Variants in CHLSN observed in about 807,000 individuals in gnomAD.
CHLSN encodes the protein protein cholesin.
the CHLSN span, among the ~76,000 whole-genome samples, chr7:1,067,672 G>A: frequency 3.3e-5 from 3 of 91,928 alleles, no homozygotes; most frequent in African/African-American, 1.5e-4. Context: ...CCAGAGGTGC[G>A]GGTTTGGGGC....
the CHLSN span, among the ~76,000 whole-genome samples, chr7:1,016,695 ATG>A: frequency 0.064 from 6,050 of 94,134 alleles, 760 homozygotes; most frequent in African/African-American, 0.11. Context: ...ACAGCAGCGC[ATG>A]CCAGCACACG....
the CHLSN span, chr7:1,127,210 C>G: frequency 6.5e-7 from 1 of 1,548,410 alleles, no homozygotes; most frequent in Non-Finnish European, 8.6e-7. Flanking sequence ...GATCAGATAA[C>G]AGGTGGATCC....
At chr7:1,076,626 A>G in the CHLSN span, among the ~76,000 whole-genome samples, 1 of 152,258 alleles carries the variant, frequency 6.6e-6, no homozygotes, top group Non-Finnish European at 1.5e-5. Context: ...TCAGTTTCCA[A>G]CAGGGCTGGC....
the CHLSN span, chr7:1,080,854 G>A: frequency 6.6e-6 from 1 of 152,342 alleles, no homozygotes; most frequent in Non-Finnish European, 1.5e-5. Context: ...CTCAGTGAGA[G>A]AGGGTGGGCT....
chr7:1,028,290 G>A, the CHLSN span: 9 of 1,066,024 alleles, frequency 8.4e-6, no homozygotes, highest in African/African-American at 1.2e-4. Flanking sequence ...CGCGGGCACG[G>A]ACGGCGCCGG....
At chr7:1,123,898 C>T in the CHLSN span, among the ~76,000 whole-genome samples, 1 of 152,086 alleles carries the variant, frequency 6.6e-6, no homozygotes, top group African/African-American at 2.4e-5. The surrounding 1 kb of genome is among the most constrained non-coding windows in gnomAD (Gnocchi z 4.4). Flanking sequence ...TCCCTGGCTT[C>T]CCAGGCCCTC....
the CHLSN span, among the ~76,000 whole-genome samples, chr7:1,101,042 A>C: frequency 6.6e-6 from 1 of 152,240 alleles, no homozygotes; most frequent in African/African-American, 2.4e-5. Flanking sequence ...AGCCCGTTTC[A>C]GGGAACACAG....
the CHLSN span, among the ~76,000 whole-genome samples, chr7:1,032,187 C>G: frequency 2.0e-5 from 3 of 152,146 alleles, no homozygotes; most frequent in Admixed American, 6.5e-5. Flanking sequence ...CAGAGAACTG[C>G]TCCCGGCCCA....
the CHLSN span, among the ~76,000 whole-genome samples, chr7:993,439 C>G: frequency 2.4e-4 from 37 of 152,228 alleles, no homozygotes; most frequent in East Asian, 7.0e-3. Context: ...GAGTGGGGAG[C>G]GGACAGCGCC....
the CHLSN span, among the ~76,000 whole-genome samples, chr7:1,122,992 GCCA>G: frequency 6.6e-6 from 1 of 152,144 alleles, no homozygotes; most frequent in Non-Finnish European, 1.5e-5. Flanking sequence ...CTCCTGCCGG[GCCA>G]CCACAAGCCG....
chr7:1,066,039 C>T, the CHLSN span, among the ~76,000 whole-genome samples: 26 of 152,352 alleles, frequency 1.7e-4, no homozygotes, highest in Admixed American at 4.6e-4. Context: ...CCTGCGCGGC[C>T]GGCACGGATG....
At chr7:1,075,437 T>C in the CHLSN span, among the ~76,000 whole-genome samples, 1 of 150,916 alleles carries the variant, frequency 6.6e-6, no homozygotes, top group East Asian at 2.0e-4. Flanking sequence ...GGCAGGAGAA[T>C]CGCTTGAACT....
At chr7:1,016,722 C>A in the CHLSN span, among the ~76,000 whole-genome samples, 1 of 121,432 alleles carries the variant, frequency 8.2e-6, no homozygotes, top group Non-Finnish European at 1.7e-5. Flanking sequence ...CGCACAGCAG[C>A]ACACAGCAGC....
the CHLSN span, among the ~76,000 whole-genome samples, chr7:1,090,331 C>A: frequency 4.6e-5 from 7 of 152,240 alleles, no homozygotes; most frequent in African/African-American, 1.4e-4. Context: ...AGGCTGAGAC[C>A]CCCGTGGCCC....
chr7:1,022,164 T>C, the CHLSN span, among the ~76,000 whole-genome samples: 1 of 152,166 alleles, frequency 6.6e-6, no homozygotes, highest in Admixed American at 6.5e-5. Flanking sequence ...GCCACGGTGG[T>C]GACGGCAGCT....
chr7:1,028,461 G>A, the CHLSN span: 3 of 985,496 alleles, frequency 3.0e-6, no homozygotes, highest in South Asian at 4.7e-5. Context: ...CTCGGCGCGG[G>A]GGTGGGAGAG....
chr7:1,058,720 T>A, the CHLSN span: 2 of 596,112 alleles, frequency 3.4e-6, no homozygotes, highest in South Asian at 4.2e-5. Context: ...GGCTTGAGTC[T>A]CCCCGAGGCC....
At chr7:983,923 G>C in the CHLSN span, among the ~76,000 whole-genome samples, 1 of 152,222 alleles carries the variant, frequency 6.6e-6, no homozygotes, top group Non-Finnish European at 1.5e-5. Context: ...CGCTCAGGCA[G>C]GCAGGGTCAG....
chr7:1,009,847 C>T, the CHLSN span: 2 of 1,072,256 alleles, frequency 1.9e-6, no homozygotes, highest in South Asian at 3.3e-5. Flanking sequence ...CCTCACTGCT[C>T]TAGAACCTTC....
Sources: allele counts gnomAD v4.1 joint callset (sites outside exome capture counted in the v4.1 genomes callset), GRCh38; gene constraint gnomAD v4.1.1; non-coding constraint Gnocchi (gnomAD v3.1); transcripts MANE v1.5; gene names NCBI Gene and HGNC (gene_info 2026-07-23, HGNC 2026-07-21).